Variants in IPO7 observed in about 807,000 individuals in gnomAD.
IPO7 encodes the protein importin-7.
IPO7 carries 13 observed loss-of-function variants against 136.4 expected under a neutral mutation model. The ratio of observed to expected loss-of-function variants is 0.10; its 90% CI spans 0.06 to 0.15. IPO7 has a LOEUF of 0.15. IPO7 is among the 10% of genes least tolerant of loss of function. The pLI is 1.00. For synonymous variants in IPO7, 403 were observed against 404.4 expected (o/e 1.00, Z 0.04); for missense variants, 857 against 1,240.6 (o/e 0.69, Z 4.65).
intron 1 of IPO7, among the ~76,000 whole-genome samples, chr11:9,393,028 G>C (rs1854658905): frequency 6.6e-6 from 1 of 152,012 alleles, no homozygotes; most frequent in Non-Finnish European, 1.5e-5. Flanking sequence ...TGGAAAATGT[G>C]GGTCCAGAGG....
chr11:9,407,782 C>T (rs1244214809), intron 2 of IPO7, among the ~76,000 whole-genome samples: 1 of 152,154 alleles, frequency 6.6e-6, no homozygotes, highest in Admixed American at 6.5e-5. Flanking sequence ...TTTCCCTTTA[C>T]AGTACATCTT....
At chr11:9,407,755 G>C (rs1039221664) in intron 2 of IPO7, among the ~76,000 whole-genome samples, 14 of 152,146 alleles carry the variant, frequency 9.2e-5, no homozygotes, top group African/African-American at 3.1e-4. Flanking sequence ...CAGAATTTAA[G>C]AATTAATTTT....
At chr11:9,417,378 A>G (rs117575582) in intron 6 of IPO7, among the ~76,000 whole-genome samples, 1 of 151,990 alleles carries the variant, frequency 6.6e-6, no homozygotes. Flanking sequence ...TATTGGTTTA[A>G]TTTCTTCTGT....
intron 14 of IPO7, 99 bp downstream of exon 14, chr11:9,429,295 G>C: frequency 9.7e-7 from 1 of 1,035,070 alleles, no homozygotes; most frequent in African/African-American, 1.6e-5. Flanking sequence ...TGGGAAGAGC[G>C]CTTGAAGCCA....
intron 1 of IPO7, among the ~76,000 whole-genome samples, chr11:9,393,233 AG>A (rs1482279747): frequency 2.6e-5 from 4 of 152,240 alleles, no homozygotes; most frequent in South Asian, 4.1e-4. Flanking sequence ...GGGATGGACT[AG>A]AGGGCTAAAC....
chr11:9,427,512 G>A (rs936166148), intron 12 of IPO7, among the ~76,000 whole-genome samples: 3 of 152,068 alleles, frequency 2.0e-5, no homozygotes, highest in South Asian at 2.1e-4. Flanking sequence ...CACCCGCCTC[G>A]GCTTCCCAAA....
rs1564998815 is a variant in IPO7 at position 9,420,657 on chromosome 11, G to C, written c.865G>C (p.Ala289Pro). 6.2e-7 allele frequency: 1 copy of C among 1,613,682 alleles called. No homozygotes were observed. Among genetic ancestry groups the C allele is most frequent in the Non-Finnish European group, 8.5e-7 (1 of 1,179,696 alleles). The stretch of plus-strand genomic sequence containing the variant: ...TGTTTCCAAGGAGTATAATGAATTT[G>C]CTGAAGTATTTCTGAAGGCATTTGC... ...GNVSKEYNEF[A>P]EVFLKAFAVG... Residue 289 changes from alanine to proline, a missense_variant, in exon 8 of 25, where the codon GCT becomes CCT. By Grantham distance (27) the Ala-to-Pro change is conservative. This residue lies in a region of IPO7 where 287 missense variants were observed against 307.5 expected (regional missense o/e 0.93). Transcript: ENST00000379719.
chr11:9,408,417 G>T, intron 2 of IPO7, 69 bp from the exon 3 acceptor site: 1 of 979,418 alleles, frequency 1.0e-6, no homozygotes, highest in Non-Finnish European at 1.4e-6. Flanking sequence ...CTTGAGGTAT[G>T]GACACTTGTG....
intron 10 of IPO7, 40 bp downstream of exon 10, chr11:9,423,916 T>C (rs1368646471): frequency 2.5e-6 from 3 of 1,210,180 alleles, no homozygotes; most frequent in East Asian, 4.7e-5. Context: ...AAAATGTCAG[T>C]AATTAAGATT....
chr11:9,390,263 G>C (rs1361888073), intron 1 of IPO7, among the ~76,000 whole-genome samples: 1 of 150,786 alleles, frequency 6.6e-6, no homozygotes, highest in African/African-American at 2.4e-5. Context: ...TCTTGCTTTT[G>C]GTAAGTTTCT....
chr11:9,430,133 T>C (rs1257086160), intron 15 of IPO7, among the ~76,000 whole-genome samples: 2 of 152,096 alleles, frequency 1.3e-5, no homozygotes, highest in Non-Finnish European at 2.9e-5. Context: ...GCAGTAATGC[T>C]CACTCACCTA....
chr11:9,433,050 G>A (rs1024213517), intron 16 of IPO7: 5 of 141,314 alleles, frequency 3.5e-5, no homozygotes, highest in African/African-American at 5.3e-5. Flanking sequence ...CTGCAATGGC[G>A]CTCGGCTCAC....
intron 23 of IPO7, 140 bp downstream of exon 23, chr11:9,440,801 C>T (rs1855451317): frequency 3.2e-6 from 2 of 622,232 alleles, no homozygotes; most frequent in South Asian, 1.9e-5. Context: ...AAAATTATTT[C>T]TAAGGTTGCC....
Position 9,440,439 on chromosome 11 carries a change from T to A in IPO7, c.2696-16T>A, listed in dbSNP as rs979655363. 1.3e-6 allele frequency: 2 copies of A among 1,590,408 alleles called. No individual in the cohort carries two copies. The highest frequency in any genetic ancestry group is 2.7e-5 in the African/African-American group (2 of 74,448). On this transcript the variant is annotated splice_polypyrimidine_tract_variant and intron_variant, in intron 22 of 24. Transcript: ENST00000379719. ...TATGTCATTGTTATAAAAGTACTTA[T>A]ATTATGACTTGGCAGAGGAACTGGG...
At chr11:9,414,584 C>G (rs1855013184) in intron 5 of IPO7, 173 bp downstream of exon 5, 1 of 333,882 alleles carries the variant, frequency 3.0e-6, no homozygotes, top group Admixed American at 5.0e-5. Context: ...AACAAGCATA[C>G]TTCCTCCCCA....
At chr11:9,410,237 A>G (rs1475030882) in intron 4 of IPO7, 151 bp downstream of exon 4, 4 of 555,794 alleles carry the variant, frequency 7.2e-6, no homozygotes, top group Non-Finnish European at 8.4e-6. Context: ...TCTTTTTGAC[A>G]TAGCATTCTA....
At chr11:9,435,060 T>C in intron 19 of IPO7, 29 bp downstream of exon 19, 1 of 1,269,878 alleles carries the variant, frequency 7.9e-7, no homozygotes, top group African/African-American at 1.5e-5. Context: ...TCAGATTTCA[T>C]GAGGCTTCTG....
intron 1 of IPO7, among the ~76,000 whole-genome samples, chr11:9,391,929 C>T (rs1304943918): frequency 6.6e-6 from 1 of 151,812 alleles, no homozygotes; most frequent in Admixed American, 6.6e-5. Context: ...ACCACACCTG[C>T]CTAAGTTTTT....
chr11:9,402,348 C>G (rs1440385221), intron 1 of IPO7, among the ~76,000 whole-genome samples: 3 of 137,956 alleles, frequency 2.2e-5, no homozygotes, highest in Non-Finnish European at 4.5e-5. Flanking sequence ...TGCAGTGAGC[C>G]GAGATCATGC....
Sources: gnomAD v4.1 joint callset for allele counts (sites outside exome capture counted in the v4.1 genomes callset) on GRCh38, gnomAD v4.1.1 for gene constraint, gnomAD v4.1.1 regional missense constraint, MANE v1.5 for transcripts, NCBI Gene and HGNC (gene_info 2026-07-23, HGNC 2026-07-21) for gene names.